The following ZCWPW2 variants were observed in gnomAD, a reference collection of about 807,000 sequenced individuals.
ZCWPW2 encodes zinc finger CW-type PWWP domain protein 2.
A neutral mutation model predicts 46.6 loss-of-function variants in ZCWPW2; 45 were observed. That is an observed-to-expected ratio of 0.96 (90% CI 0.76 to 1.24). ZCWPW2 has a LOEUF of 1.24. Ranked by LOEUF, ZCWPW2 falls within the 50% of genes most tolerant of loss-of-function variation. The pLI, the probability that ZCWPW2 is intolerant of heterozygous loss-of-function variation, is 0.00. For synonymous variants in ZCWPW2, 152 were observed against 137.1 expected (o/e 1.11, Z -0.76); for missense variants, 429 against 403.9 (o/e 1.06, Z -0.53).
At chr3:28,410,613 A>G (rs1696364337) in intron 2 of ZCWPW2, among the ~76,000 whole-genome samples, 1 of 152,048 alleles carries the variant, frequency 6.6e-6, no homozygotes, top group Non-Finnish European at 1.5e-5. Context: ...CGGGTAAAAG[A>G]TGAATAGAAA....
intron 1 of ZCWPW2, among the ~76,000 whole-genome samples, chr3:28,356,547 A>AT (rs1217007918): frequency 6.6e-6 from 1 of 152,244 alleles, no homozygotes; most frequent in Non-Finnish European, 1.5e-5. Flanking sequence ...CTAAAGACAC[A>AT]TGCACACATA....
At chr3:28,382,536 G>A (rs191997033) in intron 1 of ZCWPW2, among the ~76,000 whole-genome samples, 1 of 152,220 alleles carries the variant, frequency 6.6e-6, no homozygotes, top group African/African-American at 2.4e-5. Context: ...TGGAGAGGAG[G>A]GCAAACAATT....
At chr3:28,479,303 A>G (rs1699347073) in intron 5 of ZCWPW2, among the ~76,000 whole-genome samples, 1 of 152,190 alleles carries the variant, frequency 6.6e-6, no homozygotes, top group South Asian at 2.1e-4. Context: ...GATATGCTGT[A>G]TTATTACAGA....
intron 3 of ZCWPW2, among the ~76,000 whole-genome samples, chr3:28,420,467 C>A (rs1696723542): frequency 6.6e-6 from 1 of 152,004 alleles, no homozygotes; most frequent in Non-Finnish European, 1.5e-5. Context: ...CACCTTCCAC[C>A]CTCTAGTAGG....
intron 2 of ZCWPW2, among the ~76,000 whole-genome samples, chr3:28,401,302 A>G (rs1404883997): frequency 2.0e-5 from 3 of 152,212 alleles, no homozygotes; most frequent in Non-Finnish European, 4.4e-5. Flanking sequence ...AATGGCCTAA[A>G]TGCTCCACTT....
intron 1 of ZCWPW2, among the ~76,000 whole-genome samples, chr3:28,368,113 T>A (rs993944913): frequency 1.3e-5 from 2 of 152,200 alleles, no homozygotes; most frequent in African/African-American, 2.4e-5. Flanking sequence ...TGCCAGTCTG[T>A]GTCTTTTAAC....
intron 5 of ZCWPW2, 107 bp from the exon 6 acceptor site, chr3:28,492,020 T>A (rs1699828309): frequency 4.4e-6 from 5 of 1,125,768 alleles, no homozygotes; most frequent in Non-Finnish European, 6.4e-6. Context: ...CAAAATACTG[T>A]TACAATAGTA....
In ZCWPW2 at chr3:28,514,087, TGAAAA is replaced by T. The variant is rs749781454; in HGVS notation, c.685_689del (p.Lys229GlufsTer5). On this transcript the variant is annotated frameshift_variant, in exon 7 of 10. Transcript: ENST00000383768. LOFTEE classifies it high-confidence loss of function. ...AGAAGCAGACTTCTAAAAATAATAT[TGAAAA>T]GAAGAAGCCCAAATTTAGAAAAAGG... The T allele has an allele frequency of 5.8e-5, 88 of 1,510,064 alleles. No homozygotes were observed. Among genetic ancestry groups the T allele is most frequent in the Middle Eastern group, 1.8e-4 (1 of 5,684 alleles). The allele number at this position is 1,510,064 out of a possible 1,614,324, so 93.5% of individuals were successfully genotyped here.
intron 6 of ZCWPW2, among the ~76,000 whole-genome samples, chr3:28,501,159 A>T (rs149966550): frequency 1.9e-3 from 289 of 152,282 alleles, no homozygotes; most frequent in African/African-American, 6.5e-3. Context: ...ATGAAATAGA[A>T]GGGTGCTCTG....
At chr3:28,474,618 T>TGTGTGC (rs1313615563) in intron 4 of ZCWPW2, among the ~76,000 whole-genome samples, 1 of 146,458 alleles carries the variant, frequency 6.8e-6, no homozygotes, top group Admixed American at 6.7e-5. Context: ...TGTGTGTGTG[T>TGTGTGC]GTGCGCGCGC....
chr3:28,467,457 A>G (rs1698869341), intron 4 of ZCWPW2, among the ~76,000 whole-genome samples: 3 of 152,174 alleles, frequency 2.0e-5, no homozygotes, highest in Admixed American at 2.0e-4. Flanking sequence ...AAAAACAATC[A>G]CAACCTACTG....
chr3:28,423,696 G>T lies in ZCWPW2; in HGVS notation c.332+10296G>T, dbSNP rs140700733. ...GAGCTTTTATCCTGAAACGGATCTT[G>T]GTTGTTTGCTTCATAGGGCCCACAC... On this transcript the variant is annotated intron_variant, in intron 3 of 9. Transcript: ENST00000383768. Among the ~76,000 whole-genome samples, 387 of 152,054 alleles carry T rather than the reference G, an allele frequency of 2.5e-3. 1 individual carries two copies. The highest frequency in any genetic ancestry group is 8.5e-3 in the African/African-American group (351 of 41,482).
At chr3:28,504,799 T>G (rs973401622) in intron 6 of ZCWPW2, among the ~76,000 whole-genome samples, 19 of 152,222 alleles carry the variant, frequency 1.2e-4, no homozygotes, top group African/African-American at 4.3e-4. Context: ...TTCAATCAGC[T>G]AAGCAACTGT....
intron 8 of ZCWPW2, 95 bp downstream of exon 8, chr3:28,515,716 TGTG>T: frequency 9.2e-6 from 1 of 108,218 alleles, no homozygotes; most frequent in East Asian, 4.7e-4. Context: ...AAAGATTTCC[TGTG>T]TGTGTGTGTG....
In ZCWPW2 at chr3:28,524,564, T is replaced by G. The variant is rs1260952781; in HGVS notation, c.947T>G (p.Leu316Arg). 6.2e-7 allele frequency: 1 copy of G among 1,607,194 alleles called. No homozygotes were observed. The highest frequency in any genetic ancestry group is 1.7e-5 in the Admixed American group (1 of 58,724). The change falls in exon 10 of 10, where the codon CTG becomes CGG. Residue 316 changes from leucine (L) to arginine (R), a missense_variant. By Grantham distance (102) the Leu-to-Arg change is moderately radical. Transcript: ENST00000383768. ...AGCCCAGAAGCTCCTGCAGGCAGTC[T>G]GTTTGAAAACCACTATGAAGAGGAC... ...KCSPEAPAGSLFENHYEEDYL... is the reference protein window; with the variant it reads ...KCSPEAPAGSRFENHYEEDYL...
intron 5 of ZCWPW2, among the ~76,000 whole-genome samples, chr3:28,484,069 C>T (rs533570727): frequency 2.6e-5 from 4 of 152,094 alleles, no homozygotes; most frequent in Non-Finnish European, 5.9e-5. Context: ...CTTAGCATGA[C>T]AGCTTCTAGT....
At chr3:28,399,484 A>G (rs1695838964) in intron 2 of ZCWPW2, among the ~76,000 whole-genome samples, 1 of 152,128 alleles carries the variant, frequency 6.6e-6, no homozygotes, top group South Asian at 2.1e-4. Context: ...ACCAGCACAA[A>G]AGTAGTGCAT....
At chr3:28,522,721 G>C (rs1700755342) in intron 9 of ZCWPW2, among the ~76,000 whole-genome samples, 1 of 152,006 alleles carries the variant, frequency 6.6e-6, no homozygotes, top group Non-Finnish European at 1.5e-5. Context: ...ATTTTTACCT[G>C]AATGTTCATG....
Position 28,390,497 on chromosome 3 carries a change from G to T in ZCWPW2, c.-133-1G>T. 1.0e-6 allele frequency: 1 copy of T among 985,286 alleles called. No homozygotes were observed. Among genetic ancestry groups the T allele is most frequent in the Non-Finnish European group, 1.2e-6 (1 of 829,892 alleles). The allele number at this position is 985,286 out of a possible 1,614,324, so 61.0% of individuals were successfully genotyped here. A position where few individuals can be genotyped will look rare whatever the true frequency, so the allele number is the denominator to read the frequency against. On this transcript the variant is annotated splice_acceptor_variant, in intron 1 of 9. Transcript: ENST00000383768. LOFTEE classifies it low-confidence loss of function (5UTR_SPLICE). Reference sequence around the variant, plus strand: ...GCTAGATTGATGTATAACTTCTTCAGATTCATCCCAGTAGAACGCCTGCCT... The same window carrying T: ...GCTAGATTGATGTATAACTTCTTCATATTCATCCCAGTAGAACGCCTGCCT...
Sources: allele counts gnomAD v4.1 joint callset (sites outside exome capture counted in the v4.1 genomes callset), GRCh38; gene constraint gnomAD v4.1.1; transcripts MANE v1.5; gene names NCBI Gene and HGNC (gene_info 2026-07-23, HGNC 2026-07-21).